UNC80: variants seen among roughly 807,000 people sequenced by gnomAD.
The protein encoded by UNC80 is unc-80 subunit of NALCN channel complex.
In UNC80, 164 loss-of-function variants were observed where a neutral mutation model predicts 384.6. The observed-to-expected ratio is 0.43, with a 90% CI of 0.38 to 0.49. The LOEUF (loss-of-function observed/expected upper bound fraction) is 0.49. Ranked by LOEUF, UNC80 falls within the 20% of genes least tolerant of loss-of-function variation. The pLI is 0.00. For missense variants in UNC80, 3,330 were observed against 4,143.0 expected, an observed-to-expected ratio of 0.80 and a Z score of 5.39; for synonymous variants, 1,486 against 1,527.8, an observed-to-expected ratio of 0.97 and a Z score of 0.64.
At chr2:209,993,204 A>G (rs1207290528) in intron 62 of UNC80, 111 bp from the exon 63 acceptor site, 1 of 792,088 alleles carries the variant, frequency 1.3e-6, no homozygotes, top group Non-Finnish European at 2.0e-6. Context: ...TTTATCAGCT[A>G]TAAATGTAAG....
chr2:209,858,358 AT>A (rs2083091353), intron 22 of UNC80, among the ~76,000 whole-genome samples: 1 of 152,124 alleles, frequency 6.6e-6, no homozygotes, highest in South Asian at 2.1e-4. Context: ...CTTTTTGCCA[AT>A]CCTTTACTTT....
chr2:209,947,735 AT>A (rs200835457), intron 47 of UNC80, among the ~76,000 whole-genome samples: 2,329 of 152,188 alleles, frequency 0.015, 62 homozygotes, highest in African/African-American at 0.052. Flanking sequence ...TTTTAAAAGT[AT>A]TTTATTTAAG....
chr2:209,849,961 T>C (rs2082406996), intron 22 of UNC80, among the ~76,000 whole-genome samples: 1 of 152,088 alleles, frequency 6.6e-6, no homozygotes, highest in East Asian at 1.9e-4. Flanking sequence ...CTAAATGAGA[T>C]ATTAGATATA....
chr2:209,949,470 C>G (rs1042191366), intron 47 of UNC80, among the ~76,000 whole-genome samples: 22 of 151,698 alleles, frequency 1.5e-4, no homozygotes, highest in African/African-American at 3.4e-4. Flanking sequence ...ACCCACCCCC[C>G]GCTTTTTAAT....
intron 39 of UNC80, 149 bp downstream of exon 39, chr2:209,934,154 A>G (rs2091083041): frequency 1.3e-6 from 1 of 748,328 alleles, no homozygotes. Context: ...TGTTTAATAT[A>G]ATCAGAGGAA....
intron 49 of UNC80, among the ~76,000 whole-genome samples, chr2:209,958,781 A>C (rs2092496446): frequency 6.6e-6 from 1 of 152,198 alleles, no homozygotes; most frequent in Non-Finnish European, 1.5e-5. Context: ...CACTTAAGAC[A>C]GAGCACATGG....
chr2:209,940,699 C>G (rs1232381894), intron 43 of UNC80, among the ~76,000 whole-genome samples: 2 of 152,130 alleles, frequency 1.3e-5, no homozygotes, highest in Admixed American at 6.6e-5. Context: ...TGCCTGTAAT[C>G]CCAGCTACTC....
At chr2:209,939,355 CT>C in intron 42 of UNC80, 116 bp from the exon 43 acceptor site, 1 of 1,100,438 alleles carries the variant, frequency 9.1e-7, no homozygotes, top group African/African-American at 1.6e-5. Flanking sequence ...ACTTTTTCCC[CT>C]TTTCCGACTT....
chr2:209,814,405 G>A (rs566626301), intron 8 of UNC80, among the ~76,000 whole-genome samples: 178 of 152,010 alleles, frequency 1.2e-3, no homozygotes, highest in African/African-American at 4.1e-3. Flanking sequence ...CACCACACCC[G>A]GCTAATTTTT....
chr2:209,869,285 A>T (rs2084096463), intron 22 of UNC80: 1 of 152,200 alleles, frequency 6.6e-6, no homozygotes, highest in Admixed American at 6.5e-5. Context: ...GCTCAGGAAG[A>T]ATCCTTTGTC....
chr2:209,933,930 T>C lies in UNC80; in HGVS notation c.6103T>C (p.Phe2035Leu), dbSNP rs891838732. The change falls in exon 39 of 65, where the codon TTC becomes CTC. Residue 2035 changes from phenylalanine to leucine, a missense_variant. Physicochemically the swap from Phe to Leu is conservative, Grantham distance 22. Coordinates refer to ENST00000673920, the MANE Select transcript of UNC80 (RefSeq NM_001371986.1). ...GGTGGTGGGTTACGTGGAGGGCCTC[T>C]TCTTCAAGGATCTCAAGCAGACGAT... ...WEVVGYVEGL[F>L]FKDLKQTMKK... 11 of 1,551,020 alleles carry C rather than the reference T, an allele frequency of 7.1e-6. No individual in the cohort carries two copies. The highest frequency in any genetic ancestry group is 1.7e-4 in the Middle Eastern group (1 of 5,762).
At chr2:209,915,196 A>C (rs2089388431) in intron 31 of UNC80, among the ~76,000 whole-genome samples, 1 of 152,008 alleles carries the variant, frequency 6.6e-6, no homozygotes, top group African/African-American at 2.4e-5. Flanking sequence ...CGAGGTCAGG[A>C]GATCAAGACC....
intron 24 of UNC80, among the ~76,000 whole-genome samples, chr2:209,879,393 G>A (rs1052372940): frequency 6.6e-6 from 1 of 152,148 alleles, no homozygotes; most frequent in African/African-American, 2.4e-5. Context: ...GACTGCATAA[G>A]TGTCATTTAC....
chr2:209,889,567 C>T (rs984611522), intron 26 of UNC80, among the ~76,000 whole-genome samples: 1 of 152,062 alleles, frequency 6.6e-6, no homozygotes, highest in African/African-American at 2.4e-5. Flanking sequence ...TAGGTATAGA[C>T]GTGCTGTGGT....
intron 59 of UNC80, among the ~76,000 whole-genome samples, chr2:209,979,123 C>A (rs1018671359): frequency 6.6e-6 from 1 of 152,176 alleles, no homozygotes; most frequent in East Asian, 1.9e-4. Context: ...TTGGTGTGCA[C>A]CTCCAGTCCC....
chr2:209,967,858 A>C lies in UNC80; in HGVS notation c.8006+221A>C, dbSNP rs2092780719. 6 of 443,872 alleles carry C rather than the reference A, an allele frequency of 1.4e-5. No individual in the cohort carries two copies. The South Asian group carries it at 2.0e-4, about 15-fold the overall frequency. 27.5% of individuals were successfully genotyped at this position (443,872 alleles called of 1,614,324 possible). ...AAGTATATGTGCTCATCTTGAAAAA[A>C]ATCTATCCATTTCTTAGCTATCATG... On this transcript the variant is annotated intron_variant, in intron 52 of 64. Coordinates refer to ENST00000673920, the MANE Select transcript of UNC80 (RefSeq NM_001371986.1).
rs2079519189 is a variant in UNC80, at chr2:209,813,587, C to G, written c.946C>G (p.Leu316Val). Residue 316 changes from leucine to valine, a missense_variant, in exon 8 of 65, where the codon CTT (leucine) becomes GTT (valine). Transcript: ENST00000673920. The part of the protein sequence containing the change: ...ERGPSHSRAS[L>V]VIPPCQRSRY... ...CTTTCTGCCATGGAACAGGGCCTCTCTTGTGATACCTCCGTGCCAAAGGTC... is the reference window on the plus strand; with the variant it reads ...CTTTCTGCCATGGAACAGGGCCTCTGTTGTGATACCTCCGTGCCAAAGGTC... The G allele has an allele frequency of 1.3e-6, 2 of 1,551,092 alleles. No individual in the cohort carries two copies. Among genetic ancestry groups the G allele is most frequent in the African/African-American group, 2.7e-5 (2 of 73,044 alleles).
At chr2:209,912,706 A>C in intron 30 of UNC80, 39 bp downstream of exon 30, 1 of 1,410,862 alleles carries the variant, frequency 7.1e-7, no homozygotes, top group Non-Finnish European at 9.8e-7. Context: ...TGGAACTTTT[A>C]ACAGGGAGGG....
chr2:209,974,274 A>C (rs1328528314), intron 56 of UNC80, among the ~76,000 whole-genome samples: 2 of 152,182 alleles, frequency 1.3e-5, no homozygotes, highest in Non-Finnish European at 2.9e-5. Context: ...GACAATGAAA[A>C]TGAAAAAGGA....
Sources: gnomAD v4.1 joint callset for allele counts (sites outside exome capture counted in the v4.1 genomes callset) on GRCh38, gnomAD v4.1.1 for gene constraint, MANE v1.5 for transcripts, NCBI Gene and HGNC (gene_info 2026-07-23, HGNC 2026-07-21) for gene names.